ATP8A2: variants seen among roughly 807,000 people sequenced by gnomAD.
ATP8A2 encodes the protein phospholipid-transporting ATPase IB.
In ATP8A2, 100 loss-of-function variants were observed where a neutral mutation model predicts 165.6. The observed-to-expected ratio is 0.60, with a 90% CI of 0.51 to 0.71. The LOEUF is 0.71. ATP8A2 is among the 30% of genes least tolerant of loss of function. The probability of loss-of-function intolerance (pLI) is 0.00; values close to 1 mark genes in which losing one functional copy is unlikely to be tolerated. For missense variants in ATP8A2, 1,227 were observed against 1,479.5 expected (o/e 0.83, Z 2.80); for synonymous variants, 543 against 548.8 (o/e 0.99, Z 0.15).
chr13:25,622,107 G>C (rs2040983743), intron 24 of ATP8A2, among the ~76,000 whole-genome samples: 1 of 151,636 alleles, frequency 6.6e-6, no homozygotes, highest in Admixed American at 6.6e-5. Flanking sequence ...TTGGGAGGCT[G>C]AGGCAGGAGA....
chr13:25,959,916 A>AT (rs1427423074), intron 33 of ATP8A2, among the ~76,000 whole-genome samples: 3 of 152,204 alleles, frequency 2.0e-5, no homozygotes, highest in Non-Finnish European at 2.9e-5. Flanking sequence ...GTACTCACAC[A>AT]TTTTTAAGGG....
At chr13:25,704,393 C>G (rs1046094129) in intron 25 of ATP8A2, among the ~76,000 whole-genome samples, 4 of 150,310 alleles carry the variant, frequency 2.7e-5, no homozygotes, top group Non-Finnish European at 5.9e-5. Context: ...GAGTGCAGTG[C>G]CATGAACACA....
At position 26,019,977 on chromosome 13, in the gene ATP8A2, A is replaced by C; in HGVS notation, c.3559A>C (p.Lys1187Gln). ...AYDTTKKKSR[K>Q]K ...TGACACCACCAAAAAGAAATCCAGGAAGAAATAAGACATGAATTTTCCTGA... is the reference window on the plus strand; with the variant it reads ...TGACACCACCAAAAAGAAATCCAGGCAGAAATAAGACATGAATTTTCCTGA... The change falls in exon 37 of 37, where the codon AAG (lysine) becomes CAG (glutamine). Residue 1187 changes from lysine (K) to glutamine (Q), a missense_variant. Lys to Gln is a moderately conservative substitution (Grantham distance 53, BLOSUM62 1). Coordinates refer to ENST00000381655, the MANE Select transcript of ATP8A2 (RefSeq NM_016529.6). 1 of 1,609,976 alleles carries C rather than the reference A, an allele frequency of 6.2e-7. No individual in the cohort carries two copies. Among genetic ancestry groups the C allele is most frequent in the Non-Finnish European group, 8.5e-7 (1 of 1,176,174 alleles).
intron 23 of ATP8A2, among the ~76,000 whole-genome samples, chr13:25,583,120 A>T (rs1225989110): frequency 6.6e-6 from 1 of 152,224 alleles, no homozygotes; most frequent in Admixed American, 6.5e-5. Context: ...TAGAAAATAC[A>T]AACCCAAGCT....
intron 32 of ATP8A2, 58 bp downstream of exon 32, chr13:25,860,918 TTC>T: frequency 8.2e-7 from 1 of 1,213,912 alleles, no homozygotes; most frequent in African/African-American, 1.5e-5. Context: ...ATGCTAGGAT[TTC>T]TTTTTAAGCC....
intron 25 of ATP8A2, among the ~76,000 whole-genome samples, chr13:25,719,969 G>A (rs2043339394): frequency 6.6e-6 from 1 of 151,918 alleles, no homozygotes; most frequent in South Asian, 2.1e-4. Flanking sequence ...ATGAGGACAG[G>A]TTTCCTCATG....
intron 2 of ATP8A2, among the ~76,000 whole-genome samples, chr13:25,477,613 A>G (rs896682133): frequency 7.2e-5 from 11 of 152,036 alleles, no homozygotes; most frequent in Non-Finnish European, 1.5e-4. Context: ...ATAGATGTCA[A>G]CTCTATTATT....
chr13:25,498,415 G>A (rs952824932), intron 2 of ATP8A2, among the ~76,000 whole-genome samples: 2 of 152,146 alleles, frequency 1.3e-5, no homozygotes, highest in African/African-American at 2.4e-5. Context: ...TCTACAGAAT[G>A]CTTGTTTACA....
At chr13:25,407,652 G>A (rs557887400) in intron 1 of ATP8A2, among the ~76,000 whole-genome samples, 1 of 152,276 alleles carries the variant, frequency 6.6e-6, no homozygotes, top group East Asian at 1.9e-4. Flanking sequence ...AGCTTTATGA[G>A]GAAAATGATG....
In ATP8A2 at chr13:25,836,842, A is replaced by G. The variant is rs551728731; in HGVS notation, c.2755-321A>G. Among the ~76,000 whole-genome samples the G allele has an allele frequency of 2.6e-3, 397 of 152,362 alleles. 4 individuals are homozygous for G. In the Middle Eastern group the frequency reaches 0.027, roughly 10 times the overall value. ...GCTAGCGTGAGCAGAAAACAAAGCA[A>G]CACTTCAGACAGCTAACTGTGGCAT... is the stretch of plus-strand genomic sequence containing the variant. On this transcript the variant is annotated intron_variant, in intron 28 of 36. Transcript: ENST00000381655.
At chr13:26,012,428 TG>T in intron 35 of ATP8A2, 102 bp from the exon 36 acceptor site, 1 of 874,142 alleles carries the variant, frequency 1.1e-6, no homozygotes, top group South Asian at 1.7e-5. Flanking sequence ...TTACCCGACG[TG>T]GGGAGGTGAT....
intron 33 of ATP8A2, among the ~76,000 whole-genome samples, chr13:25,892,478 GTCTCTCTCTC>G (rs144283908): frequency 2.9e-5 from 4 of 136,178 alleles, no homozygotes; most frequent in Non-Finnish European, 6.2e-5. Context: ...CTGTCTCTCT[GTCTCTCTCTC>G]TCTCTCTCTC....
intron 30 of ATP8A2, among the ~76,000 whole-genome samples, chr13:25,843,513 G>A (rs1004299182): frequency 6.6e-6 from 1 of 152,062 alleles, no homozygotes; most frequent in African/African-American, 2.4e-5. Flanking sequence ...CTATAAAAAG[G>A]ACCCTAGAGA....
rs1209940978 is a variant in ATP8A2 at position 25,731,072 on chromosome 13, GAGGAA to G, written c.2384+31729_2384+31733del. On this transcript the variant is annotated intron_variant, in intron 25 of 36. Transcript: ENST00000381655. ...CAGGTCGCAAAAAAGAAGGAGAGGG[GAGGAA>G]AAGAAAAGAAAGGAGAAAGAAAGAG... Among the ~76,000 whole-genome samples the G allele has an allele frequency of 4.0e-5, 6 of 148,768 alleles. No homozygotes were observed. In the South Asian group the frequency reaches 1.1e-3, roughly 27 times the overall value.
At chr13:25,542,764 A>C (rs957098175) in intron 9 of ATP8A2, among the ~76,000 whole-genome samples, 1 of 152,134 alleles carries the variant, frequency 6.6e-6, no homozygotes, top group African/African-American at 2.4e-5. Context: ...TTTAGCATAC[A>C]TAGCTATACT....
At chr13:25,710,610 G>C (rs1264988628) in intron 25 of ATP8A2, among the ~76,000 whole-genome samples, 1 of 152,198 alleles carries the variant, frequency 6.6e-6, no homozygotes, top group Admixed American at 6.5e-5. Context: ...TGGCCAGGCT[G>C]TTCACTGTGA....
intron 1 of ATP8A2, among the ~76,000 whole-genome samples, chr13:25,385,447 C>T (rs1395223596): frequency 6.6e-6 from 1 of 152,128 alleles, no homozygotes; most frequent in Middle Eastern, 3.2e-3. Context: ...GAGACTTAAA[C>T]AAGATAACAT....
At chr13:25,930,182 C>G (rs928670405) in intron 33 of ATP8A2, among the ~76,000 whole-genome samples, 2 of 152,094 alleles carry the variant, frequency 1.3e-5, no homozygotes, top group Non-Finnish European at 2.9e-5. Context: ...TGACACTCTC[C>G]CCTCACTTCT....
chr13:25,603,075 A>C (rs2040429348), intron 24 of ATP8A2, among the ~76,000 whole-genome samples: 1 of 152,180 alleles, frequency 6.6e-6, no homozygotes. Flanking sequence ...CCATCTCTAA[A>C]TAAATAAATA....
Sources: allele counts gnomAD v4.1 joint callset (sites outside exome capture counted in the v4.1 genomes callset), GRCh38; gene constraint gnomAD v4.1.1; transcripts MANE v1.5; gene names NCBI Gene and HGNC (gene_info 2026-07-23, HGNC 2026-07-21).